CREB1: variants seen among roughly 807,000 people sequenced by gnomAD.
CREB1 encodes cyclic AMP-responsive element-binding protein 1.
In CREB1, 2 loss-of-function variants were observed where a neutral mutation model predicts 42.0. The ratio of observed to expected loss-of-function variants is 0.05; its 90% CI spans 0.02 to 0.15. The LOEUF is 0.15. Among genes scored for constraint, CREB1 ranks in the 10% least tolerant of loss-of-function variants. The pLI, the probability that CREB1 is intolerant of heterozygous loss-of-function variation, is 1.00. For missense variants in CREB1, 199 were observed against 388.9 expected, an observed-to-expected ratio of 0.51 and a Z score of 4.11; for synonymous variants, 123 against 139.9, an observed-to-expected ratio of 0.88 and a Z score of 0.85.
At chr2:207,568,663 CAGAGTTTATAACT>C in intron 4 of CREB1, among the ~76,000 whole-genome samples, 2 of 152,144 alleles carry the variant, frequency 1.3e-5, no homozygotes, top group Middle Eastern at 3.4e-3. Flanking sequence ...CATAAAGGGA[CAGAGTTTATAACT>C]AGTTTGTTAC....
chr2:207,555,491 T>C, intron 1 of CREB1, 137 bp from the exon 2 acceptor site: 1 of 524,624 alleles, frequency 1.9e-6, no homozygotes, highest in Non-Finnish European at 3.4e-6. Context: ...AGCTACATTA[T>C]ATTTTAGCTA....
intron 7 of CREB1, among the ~76,000 whole-genome samples, chr2:207,583,291 T>C (rs2083267942): frequency 6.6e-6 from 1 of 152,160 alleles, no homozygotes; most frequent in African/African-American, 2.4e-5. Context: ...TATACTTAAA[T>C]AGGAATACAC....
chr2:207,545,318 C>G (rs1201245786), intron 1 of CREB1, among the ~76,000 whole-genome samples: 1 of 151,764 alleles, frequency 6.6e-6, no homozygotes, highest in Non-Finnish European at 1.5e-5. Flanking sequence ...AGTGATTCTC[C>G]TGCCTCAGCC....
chr2:207,534,804 A>G (rs1258383304), intron 1 of CREB1: 2 of 152,228 alleles, frequency 1.3e-5, no homozygotes, highest in Non-Finnish European at 2.9e-5. Flanking sequence ...CCTATTACCT[A>G]AGTGTTAGCA....
chr2:207,589,867 G>A, intron 7 of CREB1, among the ~76,000 whole-genome samples: 1 of 152,088 alleles, frequency 6.6e-6, no homozygotes, highest in East Asian at 1.9e-4. Context: ...TTTTGTTGAG[G>A]ATTTTTATGT....
intron 3 of CREB1, chr2:207,561,227 T>C: frequency 2.2e-6 from 3 of 1,357,570 alleles, no homozygotes; most frequent in Non-Finnish European, 2.1e-6. Flanking sequence ...TTATTCTTTA[T>C]GTCTTTGTCC....
intron 7 of CREB1, chr2:207,582,040 A>G (rs1438385294): frequency 4.3e-6 from 3 of 699,806 alleles, no homozygotes; most frequent in Non-Finnish European, 5.2e-6. Flanking sequence ...GCACATACAT[A>G]ATTGGCGATA....
rs569103230 is a variant in CREB1 at position 207,604,823 on chromosome 2, C to T, written c.*7765C>T. Among the ~76,000 whole-genome samples, 3 of 152,218 alleles carry T rather than the reference C, an allele frequency of 2.0e-5. No individual in the cohort carries two copies. The highest frequency in any genetic ancestry group is 4.4e-5 in the Non-Finnish European group (3 of 68,050). ...TTACATCCGGGTATTTCATGTGAGA[C>T]TCATACACTGTGTATTACTTCTTTC... is the stretch of plus-strand genomic sequence containing the variant. On this transcript the variant is annotated 3_prime_UTR_variant, in exon 8 of 8. Transcript: ENST00000353267.
At chr2:207,580,346 T>C (rs1033865777) in intron 7 of CREB1, among the ~76,000 whole-genome samples, 1 of 152,080 alleles carries the variant, frequency 6.6e-6, no homozygotes, top group African/African-American at 2.4e-5. Context: ...CCTAAGGAGG[T>C]GAACGTGGAG....
intron 7 of CREB1, chr2:207,578,160 T>C (rs1221806124): frequency 6.5e-6 from 1 of 152,882 alleles, no homozygotes; most frequent in East Asian, 1.9e-4. Context: ...ATGTTAATTC[T>C]AAGAATACCA....
chr2:207,538,488 C>T (rs755419403), intron 1 of CREB1, among the ~76,000 whole-genome samples: 2 of 151,832 alleles, frequency 1.3e-5, no homozygotes, highest in African/African-American at 2.4e-5. Context: ...AAGGAGTTTA[C>T]CGTGAGACTA....
rs2086297113 is a variant in CREB1 at position 207,597,013 on chromosome 2, G to A, written c.939G>A (p.Glu313=). The A allele has an allele frequency of 6.2e-6, 10 of 1,612,062 alleles. No homozygotes were observed. The highest frequency in any genetic ancestry group is 8.5e-6 in the Non-Finnish European group (10 of 1,179,460). ...AAAATCAAAACAAGACATTGATTGA[G>A]GAGCTAAAAGCACTTAAGGACCTTT... is the stretch of plus-strand genomic sequence containing the variant. The part of the protein sequence containing the change: ...VLENQNKTLI[E]ELKALKDLYC... Residue 313 remains glutamate (E), a synonymous_variant, in exon 8 of 8, where the codon GAG becomes GAA. Transcript: ENST00000353267.
chr2:207,582,212 AG>A, intron 7 of CREB1: 2 of 702,564 alleles, frequency 2.8e-6, no homozygotes, highest in Non-Finnish European at 5.2e-6. Flanking sequence ...AAACCACCAC[AG>A]TAATTAGGTG....
intron 7 of CREB1, among the ~76,000 whole-genome samples, chr2:207,592,849 G>A (rs562772753): frequency 2.0e-5 from 3 of 148,998 alleles, no homozygotes; most frequent in East Asian, 4.0e-4. Context: ...GGAGGTGGAG[G>A]TTGCAGTGAG....
rs1241104106 is a variant in CREB1 at position 207,601,527 on chromosome 2, G to A, written c.*4469G>A. On this transcript the variant is annotated 3_prime_UTR_variant, in exon 8 of 8. Transcript: ENST00000353267. ...TTTTTCATCTTGGATGAAGATTGAA[G>A]GGAAAATAACTCAAGTGCATAATAT... 1 of 196,484 alleles carries A rather than the reference G, an allele frequency of 5.1e-6. No individual in the cohort carries two copies. Among genetic ancestry groups the A allele is most frequent in the African/African-American group, 2.3e-5 (1 of 43,320 alleles). 12.2% of individuals were successfully genotyped at this position (196,484 alleles called of 1,614,324 possible). A position where few individuals can be genotyped will look rare whatever the true frequency, so the allele number is the denominator to read the frequency against.
chr2:207,596,595 C>T (rs977784692), intron 7 of CREB1, among the ~76,000 whole-genome samples: 2 of 152,096 alleles, frequency 1.3e-5, no homozygotes, highest in Non-Finnish European at 2.9e-5. Context: ...CGCCACACCC[C>T]GCTAATTTTT....
At chr2:207,592,435 T>G (rs1334662897) in intron 7 of CREB1, among the ~76,000 whole-genome samples, 3 of 151,294 alleles carry the variant, frequency 2.0e-5, no homozygotes, top group Admixed American at 6.6e-5. Flanking sequence ...ACTTTTTTTC[T>G]TATGATTTAA....
At chr2:207,567,399 G>C in intron 3 of CREB1, 64 bp from the exon 4 acceptor site, 1 of 1,175,838 alleles carries the variant, frequency 8.5e-7, no homozygotes, top group Non-Finnish European at 1.2e-6. Flanking sequence ...TTTTATATTT[G>C]TTTAATAAAA....
chr2:207,562,514 A>G (rs1357285669), intron 3 of CREB1, among the ~76,000 whole-genome samples: 1 of 152,144 alleles, frequency 6.6e-6, no homozygotes, highest in African/African-American at 2.4e-5. Flanking sequence ...TTTAAGGAAC[A>G]CATTTGTCCA....
Sources: gnomAD v4.1 joint callset for allele counts (sites outside exome capture counted in the v4.1 genomes callset) on GRCh38, gnomAD v4.1.1 for gene constraint, MANE v1.5 for transcripts, NCBI Gene and HGNC (gene_info 2026-07-23, HGNC 2026-07-21) for gene names.